The following PLIN5 variants were observed in gnomAD, a reference collection of about 807,000 sequenced individuals.
PLIN5 encodes perilipin 5.
PLIN5 carries 34 observed loss-of-function variants against 32.8 expected under a neutral mutation model. The ratio of observed to expected loss-of-function variants is 1.04; its 90% CI spans 0.79 to 1.38. PLIN5 has a LOEUF of 1.38. PLIN5 is among the 40% of genes most tolerant of loss of function. The pLI is 0.00. For missense variants in PLIN5, 712 were observed against 660.5 expected (o/e 1.08, Z -0.85); for synonymous variants, 309 against 292.9 (o/e 1.05, Z -0.56).
intron 3 of PLIN5, 72 bp from the exon 4 acceptor site, chr19:4,529,938 G>A (rs1976863372): frequency 2.1e-6 from 2 of 939,148 alleles, no homozygotes; most frequent in Admixed American, 2.2e-5. Flanking sequence ...GAGAGTTGTA[G>A]AAGGAGGGAA....
chr19:4,531,305 A>T lies in PLIN5; in HGVS notation c.256+322T>A, dbSNP rs78528401. Among the ~76,000 whole-genome samples, 1,420 of 147,526 alleles carry T rather than the reference A, an allele frequency of 9.6e-3. 21 individuals carry two copies. Among genetic ancestry groups the T allele is most frequent in the African/African-American group, 0.032 (1,214 of 38,198 alleles). ...TGAGCCACCACACCCAGCCAGATTT[A>T]AAAAAAAAATTTTTTTTTTGAGATA... is the stretch of plus-strand genomic sequence containing the variant. On this transcript the variant is annotated intron_variant, in intron 3 of 7. Transcript: ENST00000381848.
chr19:4,523,638 C>A lies in PLIN5; in HGVS notation c.1282G>T (p.Gly428Trp), dbSNP rs760810904. ...CCCATCCTGTCCCCATCCCCATTCC[C>A]ACTCCCGTCCCTGTGCTCTGCCTCC... ...AWEAEHRDGS[G>W]NGDGDRMGVA... is the part of the protein sequence containing the mutation. Residue 428 changes from glycine to tryptophan, a missense_variant, in exon 8 of 8, where the codon GGG becomes TGG. Physicochemically the swap from Gly to Trp is radical, Grantham distance 184 (BLOSUM62 -2). Coordinates refer to ENST00000381848, the MANE Select transcript of PLIN5 (RefSeq NM_001013706.3). The surrounding 1 kb of genome is among the most constrained non-coding windows in gnomAD (Gnocchi z 5.0). 1 of 1,611,510 alleles carries A rather than the reference C, an allele frequency of 6.2e-7. No homozygotes were observed. Among genetic ancestry groups the A allele is most frequent in the South Asian group, 1.1e-5 (1 of 90,580 alleles).
At position 4,526,324 on chromosome 19, in the gene PLIN5, C is replaced by T. The variant is rs1976803073; in HGVS notation, c.521-492G>A. ...GCAACCTCTGCCTCCCAGGATCAAG[C>T]GATTCTCCTGCCTCAGCCTCTTGAG... On this transcript the variant is annotated intron_variant, in intron 5 of 7. Transcript: ENST00000381848. Among the ~76,000 whole-genome samples, 4 of 152,172 alleles carry T rather than the reference C, an allele frequency of 2.6e-5. No homozygotes were observed. In the South Asian group the frequency reaches 6.2e-4, roughly 24 times the overall value.
In PLIN5 at chr19:4,523,993, G is replaced by A. The variant is rs146320009; in HGVS notation, c.927C>T (p.Pro309=). 3,250 of 1,524,582 alleles carry A rather than the reference G, an allele frequency of 2.1e-3. 42 individuals carry two copies. The highest frequency in any genetic ancestry group is 0.016 in the Middle Eastern group (89 of 5,578). 94.4% of individuals were successfully genotyped at this position (1,524,582 alleles called of 1,614,324 possible). A position where few individuals can be genotyped will look rare whatever the true frequency, so the allele number is the denominator to read the frequency against. Residue 309 remains proline, a synonymous_variant, in exon 8 of 8, where the codon CCC becomes CCT. Coordinates refer to ENST00000381848, the MANE Select transcript of PLIN5 (RefSeq NM_001013706.3). This position sits in a 1 kb window ranked among gnomAD's most constrained non-coding sequence, Gnocchi z 5.0. ...EALESSVRGL[P]AGAQEKVAEV... is the part of the protein sequence containing the mutation. ...CAGCCACCTTCTCCTGGGCGCCGGC[G>A]GGCAGGCCCCGCACGCTGGACTCCA...
intron 5 of PLIN5, among the ~76,000 whole-genome samples, chr19:4,528,091 AG>A (rs1017693852): frequency 6.6e-6 from 1 of 151,594 alleles, no homozygotes; most frequent in Non-Finnish European, 1.5e-5. Context: ...TTGTATTTTT[AG>A]TAGAGACGGG....
rs1976799184 is a variant in PLIN5, at chr19:4,525,990, C to A, written c.521-158G>T. 1 of 742,048 alleles carries A rather than the reference C, an allele frequency of 1.3e-6. No individual in the cohort carries two copies. The highest frequency in any genetic ancestry group is 1.6e-5 in the African/African-American group (1 of 61,358). 46.0% of individuals were successfully genotyped at this position (742,048 alleles called of 1,614,324 possible). On this transcript the variant is annotated intron_variant, in intron 5 of 7. Transcript: ENST00000381848. This position sits in a 1 kb window ranked among gnomAD's most constrained non-coding sequence, Gnocchi z 5.6. ...ATGGGGTCAGCACAGCCACCCACCC[C>A]CTCCACATCTGCTCACCCACCTCTG...
chr19:4,532,637 G>A (rs1976901509), intron 2 of PLIN5: 1 of 152,278 alleles, frequency 6.6e-6, no homozygotes, highest in Non-Finnish European at 1.5e-5. Context: ...AAAGTGCTAG[G>A]ATTACAGGCC....
intron 5 of PLIN5, among the ~76,000 whole-genome samples, chr19:4,526,624 T>C (rs1976806868): frequency 6.6e-6 from 1 of 152,018 alleles, no homozygotes; most frequent in Non-Finnish European, 1.5e-5. Flanking sequence ...GAGGATTGCT[T>C]GAGCCCAGGG....
rs1186100135 is a variant in PLIN5, at chr19:4,531,618, G to C, written c.256+9C>G. ...CACAGCTCCCAGGGACACGGGCCAGGGCACTCACGCTGGGGCTGCAGGTGC... is the reference window on the plus strand; with the variant it reads ...CACAGCTCCCAGGGACACGGGCCAGCGCACTCACGCTGGGGCTGCAGGTGC... On this transcript the variant is annotated intron_variant, in intron 3 of 7. Transcript: ENST00000381848. The C allele has an allele frequency of 2.0e-6, 3 of 1,506,912 alleles. No individual in the cohort carries two copies. Among genetic ancestry groups the C allele is most frequent in the South Asian group, 2.5e-5 (2 of 78,958 alleles). 93.3% of individuals were successfully genotyped at this position (1,506,912 alleles called of 1,614,324 possible).
At chr19:4,527,751 C>T (rs553562235) in intron 5 of PLIN5, among the ~76,000 whole-genome samples, 5 of 141,432 alleles carry the variant, frequency 3.5e-5, no homozygotes, top group Middle Eastern at 4.4e-3. Flanking sequence ...AGGCTGAGGC[C>T]GGAGAATCGC....
At position 4,525,131 on chromosome 19, in the gene PLIN5, GTC is replaced by G; in HGVS notation, c.721-57_721-56del. The G allele has an allele frequency of 2.1e-6, 2 of 934,976 alleles. No homozygotes were observed. Among genetic ancestry groups the G allele is most frequent in the East Asian group, 3.2e-5 (1 of 31,252 alleles). The allele number at this position is 934,976 out of a possible 1,614,324, so 57.9% of individuals were successfully genotyped here. On this transcript the variant is annotated intron_variant, in intron 6 of 7. Coordinates refer to ENST00000381848, the MANE Select transcript of PLIN5 (RefSeq NM_001013706.3). This position sits in a 1 kb window ranked among gnomAD's most constrained non-coding sequence, Gnocchi z 5.6. ...GCTGGGGGAGCTGGGGGAGCTGGGG[GTC>G]GGGGTGGGGTCCAGGACCACTGATC...
intron 5 of PLIN5, 68 bp downstream of exon 5, chr19:4,529,005 T>G: frequency 2.0e-6 from 3 of 1,518,544 alleles, no homozygotes; most frequent in Non-Finnish European, 2.7e-6. Flanking sequence ...CAGACCTCTC[T>G]GATCTGTACC....
chr19:4,531,894 C>T, intron 2 of PLIN5, 72 bp from the exon 3 acceptor site: 2 of 1,403,038 alleles, frequency 1.4e-6, no homozygotes, highest in Non-Finnish European at 1.9e-6. Context: ...CCTACTTCCC[C>T]TCTCTGGGCC....
chr19:4,529,523 CATATACATATATACTTATACGTAT>C (rs761100017), intron 4 of PLIN5: 25,709 of 502,176 alleles, frequency 0.051, 2,512 homozygotes, highest in African/African-American at 0.3. Context: ...TATATATACA[CATATACATATATACTTATACGTAT>C]ATATACATAT....
intron 3 of PLIN5, 58 bp downstream of exon 3, chr19:4,531,569 G>C (rs1976884392): frequency 6.9e-7 from 1 of 1,444,544 alleles, no homozygotes; most frequent in Non-Finnish European, 9.1e-7. Flanking sequence ...GGATGGGACA[G>C]GGGGCGGTGG....
rs1335075873 is a variant in PLIN5, at chr19:4,534,788, C to T, written c.-22+377G>A. On this transcript the variant is annotated intron_variant, in intron 1 of 7. Transcript: ENST00000381848. ...CCTGGGCCCAGAACTGCCCAAGCACCCTAGACGGCTGGAGGTGGTAGCTGC... is the reference window on the plus strand; with the variant it reads ...CCTGGGCCCAGAACTGCCCAAGCACTCTAGACGGCTGGAGGTGGTAGCTGC... Among the ~76,000 whole-genome samples the T allele has an allele frequency of 2.6e-5, 4 of 152,176 alleles. 1 individual carries two copies. Among genetic ancestry groups the T allele is most frequent in the African/African-American group, 9.6e-5 (4 of 41,458 alleles).
chr19:4,524,895 G>T, intron 7 of PLIN5, 68 bp downstream of exon 7: 5 of 1,370,312 alleles, frequency 3.6e-6, no homozygotes, highest in Non-Finnish European at 4.9e-6. Context: ...CCCGCAGTCC[G>T]TCGCTCCCCC....
At position 4,524,007 on chromosome 19, in the gene PLIN5, C is replaced by T. The variant is rs915284204; in HGVS notation, c.913G>A (p.Val305Met). The T allele has an allele frequency of 1.5e-5, 23 of 1,517,558 alleles. No homozygotes were observed. Among genetic ancestry groups the T allele is most frequent in the East Asian group, 2.6e-5 (1 of 38,986 alleles). The allele number at this position is 1,517,558 out of a possible 1,614,324, so 94.0% of individuals were successfully genotyped here. A position where few individuals can be genotyped will look rare whatever the true frequency, so the allele number is the denominator to read the frequency against. ...TGGGCGCCGGCGGGCAGGCCCCGCA[C>T]GCTGGACTCCAGAGCCTCTACCGTG... ...QGTVEALESSVRGLPAGAQEK... is the reference protein window; with the variant it reads ...QGTVEALESSMRGLPAGAQEK... The change falls in exon 8 of 8, where the codon GTG becomes ATG. Residue 305 changes from valine (V) to methionine (M), a missense_variant. Coordinates refer to ENST00000381848, the MANE Select transcript of PLIN5 (RefSeq NM_001013706.3).
rs755583725 is a variant in PLIN5 at position 4,523,470 on chromosome 19, G to A, written c.*58C>T. Reference sequence around the variant, plus strand: ...CGAGCTTACGTGTGGCCACCAGGGGGCAGCAGGGATCGGGGTGTGCAGGTG... The same window carrying A: ...CGAGCTTACGTGTGGCCACCAGGGGACAGCAGGGATCGGGGTGTGCAGGTG... On this transcript the variant is annotated 3_prime_UTR_variant, in exon 8 of 8. Coordinates refer to ENST00000381848, the MANE Select transcript of PLIN5 (RefSeq NM_001013706.3). The surrounding 1 kb of genome is among the most constrained non-coding windows in gnomAD (Gnocchi z 5.0). 2 of 1,495,988 alleles carry A rather than the reference G, an allele frequency of 1.3e-6. No homozygotes were observed. Among genetic ancestry groups the A allele is most frequent in the South Asian group, 1.4e-5 (1 of 73,714 alleles). 92.7% of individuals were successfully genotyped at this position (1,495,988 alleles called of 1,614,324 possible). A position where few individuals can be genotyped will look rare whatever the true frequency, so the allele number is the denominator to read the frequency against.
Sources: allele counts gnomAD v4.1 joint callset (sites outside exome capture counted in the v4.1 genomes callset), GRCh38; gene constraint gnomAD v4.1.1; non-coding constraint Gnocchi (gnomAD v3.1); transcripts MANE v1.5; gene names NCBI Gene and HGNC (gene_info 2026-07-23, HGNC 2026-07-21).